METTL25: variants seen among roughly 807,000 people sequenced by gnomAD.
METTL25 encodes probable methyltransferase-like protein 25.
METTL25 carries 64 observed loss-of-function variants against 71.6 expected under a neutral mutation model. The observed-to-expected ratio is 0.89, with a 90% CI of 0.73 to 1.10. The LOEUF is 1.10. Among genes scored for constraint, METTL25 ranks in the 50% least tolerant of loss-of-function variants. The pLI, the probability that METTL25 is intolerant of heterozygous loss-of-function variation, is 0.00. For synonymous variants in METTL25, 287 were observed against 250.3 expected, an observed-to-expected ratio of 1.15 and a Z score of -1.38; for missense variants, 807 against 707.0, an observed-to-expected ratio of 1.14 and a Z score of -1.60.
chr12:82,465,964 A>G (rs1282153066), intron 9 of METTL25, among the ~76,000 whole-genome samples: 2 of 130,736 alleles, frequency 1.5e-5, no homozygotes, highest in African/African-American at 5.6e-5. Flanking sequence ...TTTGTTTTGG[A>G]TCTTCTTTAT....
chr12:82,365,144 C>T (rs1882418464), intron 1 of METTL25, among the ~76,000 whole-genome samples: 1 of 152,198 alleles, frequency 6.6e-6, no homozygotes, highest in Non-Finnish European at 1.5e-5. Context: ...ACTCCTTGCA[C>T]ATACCTAGTA....
intron 2 of METTL25, among the ~76,000 whole-genome samples, chr12:82,387,608 G>T (rs938129494): frequency 6.6e-6 from 1 of 151,094 alleles, no homozygotes; most frequent in Non-Finnish European, 1.5e-5. Flanking sequence ...CAAACCTACA[G>T]AAAAGTTACA....
chr12:82,397,518 A>G (rs1482616634), intron 3 of METTL25, among the ~76,000 whole-genome samples: 1 of 152,070 alleles, frequency 6.6e-6, no homozygotes, highest in Admixed American at 6.6e-5. Context: ...ATGTTTGCCT[A>G]TCCAAATGTC....
chr12:82,442,293 C>T (rs541122099), intron 8 of METTL25, among the ~76,000 whole-genome samples: 1 of 152,216 alleles, frequency 6.6e-6, no homozygotes, highest in South Asian at 2.1e-4. Flanking sequence ...ATGTTTGTAG[C>T]AGCTTTATTC....
chr12:82,358,593 A>T lies in METTL25; in HGVS notation c.28A>T (p.Thr10Ser). MAASCPLPV[T>S]PDLPTLRAKL... Reference sequence around the variant, plus strand: ...GGCGGCTTCTTGCCCTCTCCCGGTGACCCCGGACCTGCCCACGCTGCGTGC... The same window carrying T: ...GGCGGCTTCTTGCCCTCTCCCGGTGTCCCCGGACCTGCCCACGCTGCGTGC... The change falls in exon 1 of 12, where the codon ACC becomes TCC. Residue 10 changes from threonine to serine, a missense_variant. By Grantham distance (58) the Thr-to-Ser change is moderately conservative (BLOSUM62 1). Transcript: ENST00000248306. 1 of 1,612,514 alleles carries T rather than the reference A, an allele frequency of 6.2e-7. No homozygotes were observed. Among genetic ancestry groups the T allele is most frequent in the Non-Finnish European group, 8.5e-7 (1 of 1,179,904 alleles).
intron 5 of METTL25, among the ~76,000 whole-genome samples, chr12:82,424,736 G>T (rs889331929): frequency 2.0e-5 from 3 of 151,920 alleles, no homozygotes; most frequent in African/African-American, 7.3e-5. Context: ...TAGTTAAGAT[G>T]GAGTCATCAT....
At chr12:82,373,239 T>C (rs973921677) in intron 1 of METTL25, among the ~76,000 whole-genome samples, 37 of 152,112 alleles carry the variant, frequency 2.4e-4, no homozygotes, top group African/African-American at 8.9e-4. Context: ...TCTCGAGGGT[T>C]GGAAGAGTGA....
Position 82,478,998 on chromosome 12 carries a change from G to C in METTL25, c.1786G>C (p.Val596Leu), listed in dbSNP as rs1893046546. The C allele has an allele frequency of 1.2e-6, 2 of 1,612,514 alleles. No homozygotes were observed. The highest frequency in any genetic ancestry group is 2.7e-5 in the African/African-American group (2 of 74,858). Residue 596 changes from valine to leucine, a missense_variant, in exon 12 of 12, where the codon GTT (valine) becomes CTT (leucine). Val to Leu is a conservative substitution (Grantham distance 32). Transcript: ENST00000248306. ...DPVKSPRCYA[V>L]IALKKQQ is the part of the protein sequence containing the mutation. ...CGTGAAATCTCCCAGATGTTATGCT[G>C]TTATTGCCCTGAAGAAGCAGCAGTG...
At chr12:82,413,895 A>G (rs1383186076) in intron 5 of METTL25, among the ~76,000 whole-genome samples, 1 of 151,790 alleles carries the variant, frequency 6.6e-6, no homozygotes, top group African/African-American at 2.4e-5. Flanking sequence ...CATTTATACC[A>G]GTATAATAAT....
chr12:82,409,912 G>T (rs1592674713), intron 5 of METTL25, among the ~76,000 whole-genome samples: 2 of 152,052 alleles, frequency 1.3e-5, no homozygotes, highest in East Asian at 3.9e-4. Flanking sequence ...ACAGAAATTT[G>T]TCAAGGGTGC....
intron 8 of METTL25, among the ~76,000 whole-genome samples, chr12:82,448,637 A>G (rs1890919482): frequency 6.6e-6 from 1 of 152,064 alleles, no homozygotes; most frequent in Admixed American, 6.6e-5. Context: ...TTTAATTTTA[A>G]TTGTGATTTT....
At chr12:82,418,005 G>A (rs1019593324) in intron 5 of METTL25, among the ~76,000 whole-genome samples, 1 of 152,108 alleles carries the variant, frequency 6.6e-6, no homozygotes, top group Non-Finnish European at 1.5e-5. Flanking sequence ...AGCTAAAACA[G>A]TGTTGTGACA....
At chr12:82,444,562 C>T (rs1269770652) in intron 8 of METTL25, among the ~76,000 whole-genome samples, 6 of 151,812 alleles carry the variant, frequency 4.0e-5, no homozygotes, top group Admixed American at 3.9e-4. Context: ...GGTATAAAGG[C>T]AAAAAGACAT....
intron 1 of METTL25, among the ~76,000 whole-genome samples, chr12:82,366,646 T>G (rs1033029897): frequency 6.6e-6 from 1 of 152,072 alleles, no homozygotes; most frequent in Non-Finnish European, 1.5e-5. Context: ...TTGTTGGTGG[T>G]GGTAGTAATT....
chr12:82,462,130 T>C (rs1891919851), intron 9 of METTL25, among the ~76,000 whole-genome samples: 1 of 152,204 alleles, frequency 6.6e-6, no homozygotes, highest in Non-Finnish European at 1.5e-5. Context: ...TCTCAATTTA[T>C]AAGTTTGCAT....
intron 8 of METTL25, among the ~76,000 whole-genome samples, chr12:82,446,961 C>G (rs182555983): frequency 1.3e-5 from 2 of 152,078 alleles, no homozygotes; most frequent in East Asian, 3.9e-4. Flanking sequence ...ACATACCAGA[C>G]TGTATAGTAT....
At chr12:82,413,588 C>T (rs1222429714) in intron 5 of METTL25, among the ~76,000 whole-genome samples, 2 of 152,056 alleles carry the variant, frequency 1.3e-5, no homozygotes, top group South Asian at 2.1e-4. Context: ...TGACCTGGAT[C>T]GGTTAGCTTT....
chr12:82,476,798 A>C (rs1209496329), intron 10 of METTL25, 80 bp downstream of exon 10: 1 of 860,780 alleles, frequency 1.2e-6, no homozygotes, highest in East Asian at 2.6e-5. Flanking sequence ...ATTATGGGCT[A>C]AGCAATCTAT....
At chr12:82,371,421 G>A (rs540014816) in intron 1 of METTL25, among the ~76,000 whole-genome samples, 5 of 152,160 alleles carry the variant, frequency 3.3e-5, no homozygotes, top group Admixed American at 6.5e-5. Flanking sequence ...CTTGTTTCTC[G>A]TTGGACAGTC....
Sources: allele counts gnomAD v4.1 joint callset (sites outside exome capture counted in the v4.1 genomes callset), GRCh38; gene constraint gnomAD v4.1.1; transcripts MANE v1.5; gene names NCBI Gene and HGNC (gene_info 2026-07-23, HGNC 2026-07-21).